The following PRDM16 variants were observed in gnomAD, a reference collection of about 807,000 sequenced individuals.
PRDM16 encodes the protein PR/SET domain 16.
In PRDM16, 23 loss-of-function variants were observed where a neutral mutation model predicts 110.6. The ratio of observed to expected loss-of-function variants is 0.21; its 90% CI spans 0.15 to 0.29. PRDM16 has a LOEUF of 0.29. Among genes scored for constraint, PRDM16 ranks in the 10% least tolerant of loss-of-function variants. The pLI is 1.00. For missense variants in PRDM16, 1,615 were observed against 1,794.3 expected, an observed-to-expected ratio of 0.90 and a Z score of 1.81; for synonymous variants, 799 against 781.8, an observed-to-expected ratio of 1.02 and a Z score of -0.37.
At chr1:3,391,919 T>C (rs1643307327) in intron 4 of PRDM16, among the ~76,000 whole-genome samples, 1 of 152,224 alleles carries the variant, frequency 6.6e-6, no homozygotes, top group Non-Finnish European at 1.5e-5. Context: ...CTGCTGGCGC[T>C]TAGGGCATCA....
At chr1:3,422,785 T>C (rs1638475859) in intron 12 of PRDM16, among the ~76,000 whole-genome samples, 1 of 152,210 alleles carries the variant, frequency 6.6e-6, no homozygotes. Flanking sequence ...CAAACAAAAC[T>C]GCAGCGCCGC....
chr1:3,414,480 G>A lies in PRDM16; in HGVS notation c.2604-80G>A, dbSNP rs533163218. On this transcript the variant is annotated intron_variant, in intron 9 of 16. Transcript: ENST00000270722. ...ACTGGCCAGGTATATGGTCAGGCGGGGTGGGCGGCTCTGTGGAGCGGGTGG... is the reference window on the plus strand; with the variant it reads ...ACTGGCCAGGTATATGGTCAGGCGGAGTGGGCGGCTCTGTGGAGCGGGTGG... 3 of 1,051,608 alleles carry A rather than the reference G, an allele frequency of 2.9e-6. No individual in the cohort carries two copies. In the African/African-American group the frequency reaches 4.7e-5, roughly 16 times the overall value. The allele number at this position is 1,051,608 out of a possible 1,614,324, so 65.1% of individuals were successfully genotyped here. A position where few individuals can be genotyped will look rare whatever the true frequency, so the allele number is the denominator to read the frequency against.
intron 3 of PRDM16, among the ~76,000 whole-genome samples, chr1:3,336,715 CAT>C (rs1274538371): frequency 2.0e-5 from 3 of 151,266 alleles, no homozygotes; most frequent in East Asian, 2.0e-4. Flanking sequence ...CATGCATGCA[CAT>C]GTGTGTTGGT....
chr1:3,256,478 G>A (rs894913973), intron 3 of PRDM16, among the ~76,000 whole-genome samples: 1 of 152,142 alleles, frequency 6.6e-6, no homozygotes, highest in African/African-American at 2.4e-5. Flanking sequence ...CATCACGGGG[G>A]AATTGCGGGG....
At chr1:3,180,988 T>C (rs1265226907) in intron 1 of PRDM16, among the ~76,000 whole-genome samples, 1 of 134,566 alleles carries the variant, frequency 7.4e-6, no homozygotes, top group African/African-American at 2.8e-5. Context: ...ACACGCAGTC[T>C]TACACACGAT....
rs948468802 is a variant in PRDM16 at position 3,175,823 on chromosome 1, G to A, written c.38-10302G>A. Among the ~76,000 whole-genome samples, 6 of 152,168 alleles carry A rather than the reference G, an allele frequency of 3.9e-5. No individual in the cohort carries two copies. The highest frequency in any genetic ancestry group is 1.4e-4 in the African/African-American group (6 of 41,438). On this transcript the variant is annotated intron_variant, in intron 1 of 16. Coordinates refer to ENST00000270722, the MANE Select transcript of PRDM16 (RefSeq NM_022114.4). The surrounding 1 kb of genome is among the most constrained non-coding windows in gnomAD (Gnocchi z 4.8). Reference sequence around the variant, plus strand: ...CTCAGATGAGCCGATCAGGGTCAAGGGCAGAGAGGAGCCAGGGTTGTGTTA... The same window carrying A: ...CTCAGATGAGCCGATCAGGGTCAAGAGCAGAGAGGAGCCAGGGTTGTGTTA...
chr1:3,368,072 A>G (rs1642846553), intron 3 of PRDM16, among the ~76,000 whole-genome samples: 1 of 152,208 alleles, frequency 6.6e-6, no homozygotes. Flanking sequence ...CCCCTCAAAG[A>G]GTCAGGGAAC....
At position 3,359,228 on chromosome 1, in the gene PRDM16, TG is replaced by T. The variant is rs1419053518; in HGVS notation, c.439-25920del. 6.6e-6 allele frequency among the ~76,000 whole-genome samples: 1 copy of T among 152,134 alleles called. No individual in the cohort carries two copies. The highest frequency in any genetic ancestry group is 1.5e-5 in the Non-Finnish European group (1 of 68,018). ...TTAATATGTCCATTTTGTGTTGACT[TG>T]GGGTCTCACTATGTTCCCCAGGCTT... On this transcript the variant is annotated intron_variant, in intron 3 of 16. Coordinates refer to ENST00000270722, the MANE Select transcript of PRDM16 (RefSeq NM_022114.4). This position sits in a 1 kb window ranked among gnomAD's most constrained non-coding sequence, Gnocchi z 4.3.
intron 3 of PRDM16, among the ~76,000 whole-genome samples, chr1:3,373,535 C>G (rs573550765): frequency 6.6e-6 from 1 of 152,190 alleles, no homozygotes; most frequent in African/African-American, 2.4e-5. Flanking sequence ...CATGGAAATC[C>G]GTCTCTGTGC....
At chr1:3,394,816 T>A (rs891264395) in intron 4 of PRDM16, among the ~76,000 whole-genome samples, 3 of 151,212 alleles carry the variant, frequency 2.0e-5, no homozygotes, top group Admixed American at 6.6e-5. Flanking sequence ...GTTTCTTTTT[T>A]AAAAAAGAGA....
intron 1 of PRDM16, among the ~76,000 whole-genome samples, chr1:3,177,674 A>C (rs1345292703): frequency 6.6e-6 from 1 of 152,218 alleles, no homozygotes; most frequent in Admixed American, 6.5e-5. Context: ...TGATTGCTCC[A>C]AAGTTGCTCC....
Position 3,081,613 on chromosome 1 carries a change from G to A in PRDM16, c.37+12317G>A, listed in dbSNP as rs182633136. On this transcript the variant is annotated intron_variant, in intron 1 of 16. Transcript: ENST00000270722. The surrounding 1 kb of genome is among the most constrained non-coding windows in gnomAD (Gnocchi z 4.6). ...GGGTTGGTCTTCCTTCTGTGAGCAC[G>A]GGGGGTGAGCAGTGGGCAGCTCCAG... Among the ~76,000 whole-genome samples the A allele has an allele frequency of 2.0e-3, 300 of 152,270 alleles. No individual in the cohort carries two copies. The highest frequency in any genetic ancestry group is 6.8e-3 in the African/African-American group (281 of 41,562).
At chr1:3,249,322 C>T (rs1639871081) in intron 3 of PRDM16, among the ~76,000 whole-genome samples, 1 of 151,998 alleles carries the variant, frequency 6.6e-6, no homozygotes, top group South Asian at 2.1e-4. Flanking sequence ...ATGCATCGGG[C>T]TCAGCTGGTG....
At chr1:3,176,592 G>GTCCA (rs942208725) in intron 1 of PRDM16, among the ~76,000 whole-genome samples, 1 of 139,558 alleles carries the variant, frequency 7.2e-6, no homozygotes, top group African/African-American at 2.7e-5. Context: ...CCTTCCTTCT[G>GTCCA]TCCATCCATC....
At chr1:3,187,363 G>T (rs1025366123) in intron 2 of PRDM16, among the ~76,000 whole-genome samples, 27 of 152,222 alleles carry the variant, frequency 1.8e-4, no homozygotes, top group African/African-American at 6.3e-4. Flanking sequence ...CCCAGCCTCT[G>T]GAGTGCCCGG....
At chr1:3,133,260 T>C (rs938128632) in intron 1 of PRDM16, 2 of 152,342 alleles carry the variant, frequency 1.3e-5, no homozygotes, top group African/African-American at 4.8e-5. Context: ...TGGAGGCTCC[T>C]ACAGGAAAAT....
Position 3,255,366 on chromosome 1 carries a change from C to T in PRDM16, c.438+11229C>T, listed in dbSNP as rs4308919. Among the ~76,000 whole-genome samples the T allele has an allele frequency of 0.17, 26,423 of 152,126 alleles. 2,533 individuals carry two copies. The highest frequency in any genetic ancestry group is 0.25 in the Middle Eastern group (73 of 294). The stretch of plus-strand genomic sequence containing the variant: ...CCCCACAGTGGGGTCCTGAGGGTCG[C>T]GTGCAGCACACAGCCTCCCAGACGG... On this transcript the variant is annotated intron_variant, in intron 3 of 16. Transcript: ENST00000270722. The surrounding 1 kb of genome is among the most constrained non-coding windows in gnomAD (Gnocchi z 4.7).
At chr1:3,184,087 A>AG (rs1476312780) in intron 1 of PRDM16, among the ~76,000 whole-genome samples, 1 of 152,052 alleles carries the variant, frequency 6.6e-6, no homozygotes, top group Admixed American at 6.5e-5. Context: ...TCAGGTCTTT[A>AG]GGGGGGAGGA....
chr1:3,181,778 ATG>A lies in PRDM16; in HGVS notation c.38-4346_38-4345del, dbSNP rs1164953129. 9.6e-4 allele frequency among the ~76,000 whole-genome samples: 122 copies of A among 126,890 alleles called. 1 individual carries two copies. Among genetic ancestry groups the A allele is most frequent in the African/African-American group, 1.7e-3 (54 of 32,454 alleles). The allele number at this position is 126,890 out of a possible 152,430, so 83.2% of individuals were successfully genotyped here. ...CACGGTCTTACACACAGTCTTACACATGCAGTCTTACACATGCAGTCTTACAC... is the reference window on the plus strand; with the variant it reads ...CACGGTCTTACACACAGTCTTACACACAGTCTTACACATGCAGTCTTACAC... On this transcript the variant is annotated intron_variant, in intron 1 of 16. Transcript: ENST00000270722.
Sources: allele counts gnomAD v4.1 joint callset (sites outside exome capture counted in the v4.1 genomes callset), GRCh38; gene constraint gnomAD v4.1.1; non-coding constraint Gnocchi (gnomAD v3.1); transcripts MANE v1.5; gene names NCBI Gene and HGNC (gene_info 2026-07-23, HGNC 2026-07-21).